Variants in PKHD1 observed in about 807,000 individuals in gnomAD.
PKHD1 encodes the protein PKHD1 ciliary IPT domain containing fibrocystin/polyductin, also known as fibrocystin.
In PKHD1, 291 loss-of-function variants were observed where a neutral mutation model predicts 412.0. The ratio of observed to expected loss-of-function variants is 0.71; its 90% CI spans 0.64 to 0.78. The LOEUF (loss-of-function observed/expected upper bound fraction) is 0.78. Among genes scored for constraint, PKHD1 ranks in the 30% least tolerant of loss-of-function variants. The pLI is 0.00. For synonymous variants in PKHD1, 1,777 were observed against 1,821.5 expected, an observed-to-expected ratio of 0.98 and a Z score of 0.62; for missense variants, 4,825 against 4,950.7, an observed-to-expected ratio of 0.97 and a Z score of 0.76.
chr6:51,624,100 G>A (rs1006195731), intron 66 of PKHD1, among the ~76,000 whole-genome samples: 1 of 151,634 alleles, frequency 6.6e-6, no homozygotes, highest in African/African-American at 2.4e-5. Flanking sequence ...ATGTTGCCCA[G>A]GTTGGAGTGC....
chr6:51,933,102 C>T (rs1032238151), intron 37 of PKHD1, among the ~76,000 whole-genome samples: 4 of 152,112 alleles, frequency 2.6e-5, no homozygotes, highest in Admixed American at 6.5e-5. Flanking sequence ...TTGGCTCATG[C>T]TATGCAACCA....
chr6:52,049,719 T>C (rs1290808677), intron 22 of PKHD1, among the ~76,000 whole-genome samples: 2 of 152,216 alleles, frequency 1.3e-5, no homozygotes, highest in South Asian at 2.1e-4. Context: ...GCTATTTTTC[T>C]TCTCTAGACA....
intron 35 of PKHD1, among the ~76,000 whole-genome samples, chr6:52,000,830 CAT>C (rs987339107): frequency 6.6e-6 from 1 of 152,146 alleles, no homozygotes; most frequent in Non-Finnish European, 1.5e-5. Flanking sequence ...TTACTGATAA[CAT>C]ATCTTGATAT....
intron 60 of PKHD1, among the ~76,000 whole-genome samples, chr6:51,723,313 G>A (rs570806374): frequency 3.8e-4 from 58 of 152,292 alleles, no homozygotes; most frequent in African/African-American, 1.2e-3. Flanking sequence ...CACACATATG[G>A]TCAGTCTAAA....
chr6:52,039,033 A>G (rs1471649202), intron 27 of PKHD1, among the ~76,000 whole-genome samples: 1 of 152,242 alleles, frequency 6.6e-6, no homozygotes, highest in East Asian at 1.9e-4. Flanking sequence ...TTACACCTCA[A>G]CAATAAAATG....
intron 54 of PKHD1, among the ~76,000 whole-genome samples, chr6:51,774,099 A>C (rs1175812985): frequency 6.6e-6 from 1 of 151,970 alleles, no homozygotes; most frequent in Non-Finnish European, 1.5e-5. Flanking sequence ...CATTTATAAC[A>C]AAAAGCAGTT....
intron 53 of PKHD1, among the ~76,000 whole-genome samples, chr6:51,788,537 A>G (rs1033036279): frequency 2.6e-5 from 4 of 151,832 alleles, no homozygotes; most frequent in African/African-American, 9.7e-5. Context: ...GTTTATTCCT[A>G]TAGTTCCTTC....
intron 52 of PKHD1, among the ~76,000 whole-genome samples, chr6:51,802,880 C>T (rs2151333274): frequency 6.6e-6 from 1 of 150,818 alleles, no homozygotes; most frequent in South Asian, 2.1e-4. Context: ...GACTTTTTTT[C>T]TTAAGTTCTC....
chr6:51,624,739 AATAACC>A (rs1767034543), intron 66 of PKHD1, among the ~76,000 whole-genome samples: 1 of 152,218 alleles, frequency 6.6e-6, no homozygotes, highest in Non-Finnish European at 1.5e-5. Context: ...TATTCTGTAT[AATAACC>A]ATAACTATGG....
In PKHD1 at chr6:51,871,029, A is replaced by T. The variant is rs190348581; in HGVS notation, c.7351-390T>A. 1.1e-3 allele frequency among the ~76,000 whole-genome samples: 172 copies of T among 152,336 alleles called. 1 individual carries two copies. Among genetic ancestry groups the T allele is most frequent in the African/African-American group, 3.8e-3 (160 of 41,580 alleles). On this transcript the variant is annotated intron_variant, in intron 46 of 66. Coordinates refer to ENST00000371117, the MANE Select transcript of PKHD1 (RefSeq NM_138694.4). ...GAATAAATAAAAATACAGTGACAAT[A>T]GTAAGTGCTGATGAGGATGAGAAAG...
chr6:51,838,862 A>G (rs1237641265), intron 50 of PKHD1, among the ~76,000 whole-genome samples: 3 of 152,216 alleles, frequency 2.0e-5, no homozygotes, highest in African/African-American at 7.2e-5. Context: ...GAATAATCAT[A>G]CTATCTATCT....
At chr6:52,074,228 G>A (rs1432928749) in intron 6 of PKHD1, among the ~76,000 whole-genome samples, 1 of 152,174 alleles carries the variant, frequency 6.6e-6, no homozygotes, top group East Asian at 1.9e-4. Flanking sequence ...GACACTGAAT[G>A]CCACCAAAGA....
In PKHD1 at chr6:51,731,766, G is replaced by T. The variant is rs142806975; in HGVS notation, c.10156+12619C>A. The stretch of plus-strand genomic sequence containing the variant: ...AAAGGAAGAAAAATATCCATATGAT[G>T]AATGCAGCTACATGTAGCTATTTAG... On this transcript the variant is annotated intron_variant, in intron 60 of 66. Coordinates refer to ENST00000371117, the MANE Select transcript of PKHD1 (RefSeq NM_138694.4). Among the ~76,000 whole-genome samples, 546 of 152,248 alleles carry T rather than the reference G, an allele frequency of 3.6e-3. 3 individuals are homozygous for T. The highest frequency in any genetic ancestry group is 0.013 in the African/African-American group (520 of 41,542).
At chr6:51,743,104 T>C (rs911089667) in intron 60 of PKHD1, among the ~76,000 whole-genome samples, 1 of 152,088 alleles carries the variant, frequency 6.6e-6, no homozygotes, top group Non-Finnish European at 1.5e-5. Context: ...CTTACAGGCT[T>C]GTAGCTGGGA....
chr6:52,062,935 G>C (rs1175495753), intron 13 of PKHD1, among the ~76,000 whole-genome samples: 1 of 152,130 alleles, frequency 6.6e-6, no homozygotes, highest in African/African-American at 2.4e-5. Flanking sequence ...AATGTGAATT[G>C]AATGAGCAAA....
At chr6:51,696,084 C>G (rs1778771989) in intron 60 of PKHD1, among the ~76,000 whole-genome samples, 1 of 152,194 alleles carries the variant, frequency 6.6e-6, no homozygotes, top group African/African-American at 2.4e-5. Context: ...AAGAAGCTAG[C>G]ACTCAGTTTG....
intron 43 of PKHD1, among the ~76,000 whole-genome samples, chr6:51,898,253 CATACTTG>C (rs1391187103): frequency 2.0e-5 from 3 of 150,288 alleles, no homozygotes; most frequent in Non-Finnish European, 1.5e-5. Context: ...AAATTGACCA[CATACTTG>C]GAAGTAAAGC....
At chr6:52,083,779 C>T (rs1007823291) in intron 2 of PKHD1, among the ~76,000 whole-genome samples, 1 of 151,870 alleles carries the variant, frequency 6.6e-6, no homozygotes, top group Non-Finnish European at 1.5e-5. Context: ...GGCAAAACCG[C>T]GATTACTTTT....
intron 60 of PKHD1, among the ~76,000 whole-genome samples, chr6:51,699,318 C>T (rs543361905): frequency 2.0e-5 from 3 of 152,258 alleles, no homozygotes; most frequent in Admixed American, 6.5e-5. Context: ...CAGAACGCTA[C>T]GCAGTTGCAA....
Sources: gnomAD v4.1 joint callset for allele counts (sites outside exome capture counted in the v4.1 genomes callset) on GRCh38, gnomAD v4.1.1 for gene constraint, MANE v1.5 for transcripts, NCBI Gene and HGNC (gene_info 2026-07-23, HGNC 2026-07-21) for gene names.